The following PEAK1 variants were observed in gnomAD, a reference collection of about 807,000 sequenced individuals.
PEAK1 encodes inactive tyrosine-protein kinase PEAK1.
Under a neutral mutation model 124.7 loss-of-function variants are expected in PEAK1, and 54 were observed. The ratio of observed to expected loss-of-function variants is 0.43; its 90% CI spans 0.35 to 0.54. The LOEUF (loss-of-function observed/expected upper bound fraction) is 0.54. Ranked by LOEUF, PEAK1 falls within the 20% of genes least tolerant of loss-of-function variation. The pLI is 0.01. For missense variants in PEAK1, 2,046 were observed against 2,134.5 expected, an observed-to-expected ratio of 0.96 and a Z score of 0.82; for synonymous variants, 719 against 760.0, an observed-to-expected ratio of 0.95 and a Z score of 0.89.
intron 2 of PEAK1, among the ~76,000 whole-genome samples, chr15:77,343,808 C>G (rs73461019): frequency 0.012 from 1,860 of 152,056 alleles, 42 homozygotes; most frequent in African/African-American, 0.043. Context: ...CTTTTGTTAC[C>G]TGTGCATTTG....
intron 5 of PEAK1, among the ~76,000 whole-genome samples, chr15:77,268,314 A>G (rs1597019055): frequency 6.6e-6 from 1 of 152,154 alleles, no homozygotes; most frequent in African/African-American, 2.4e-5. Context: ...ATCTCTCCTA[A>G]AATACACAAA....
chr15:77,274,631 TAAAA>T (rs1269416038), intron 5 of PEAK1, among the ~76,000 whole-genome samples: 1 of 151,090 alleles, frequency 6.6e-6, no homozygotes, highest in Non-Finnish European at 1.5e-5. Flanking sequence ...AAACCAAAAA[TAAAA>T]AAACTCATAA....
intron 6 of PEAK1, among the ~76,000 whole-genome samples, chr15:77,247,569 T>A (rs2060655342): frequency 7.4e-6 from 1 of 135,818 alleles, no homozygotes; most frequent in African/African-American, 2.7e-5. Context: ...ACCTCCTGGG[T>A]TCGAGAGATT....
chr15:77,265,286 A>G (rs56070388), intron 5 of PEAK1, among the ~76,000 whole-genome samples: 33,587 of 152,138 alleles, frequency 0.22, 4,198 homozygotes, highest in Middle Eastern at 0.29. Flanking sequence ...GCTTCTGCAC[A>G]GCAAAAGAAA....
intron 6 of PEAK1, among the ~76,000 whole-genome samples, chr15:77,249,593 T>C (rs2060749055): frequency 6.6e-6 from 1 of 152,226 alleles, no homozygotes; most frequent in Admixed American, 6.5e-5. Context: ...TAAATGTAGA[T>C]GGTCTGCTAT....
chr15:77,253,244 T>TGGGGG (rs377748179), intron 5 of PEAK1, among the ~76,000 whole-genome samples: 9 of 126,936 alleles, frequency 7.1e-5, no homozygotes, highest in African/African-American at 1.9e-4. Flanking sequence ...TTGGTATGCG[T>TGGGGG]TGGGGGGGGG....
chr15:77,360,896 C>T (rs1280650123), intron 2 of PEAK1, among the ~76,000 whole-genome samples: 1 of 151,974 alleles, frequency 6.6e-6, no homozygotes, highest in African/African-American at 2.4e-5. Context: ...ACAAAGGGAT[C>T]AAAGACCTGA....
intron 6 of PEAK1, among the ~76,000 whole-genome samples, chr15:77,227,934 T>G (rs1285971483): frequency 6.6e-6 from 1 of 152,096 alleles, no homozygotes; most frequent in Non-Finnish European, 1.5e-5. Context: ...GGTTCAAGGT[T>G]GCAGTGAGGT....
chr15:77,211,630 T>C (rs2058910071), intron 6 of PEAK1, among the ~76,000 whole-genome samples: 3 of 151,942 alleles, frequency 2.0e-5, no homozygotes, highest in South Asian at 2.1e-4. Context: ...GGGTCGATCA[T>C]CTGAGGTCAG....
rs143481465 is a variant in PEAK1 at position 77,350,789 on chromosome 15, G to A, written c.-603+14374C>T. ...AGATCAATTCTGTATAACCTATTTT[G>A]TTTTTTATTCAAATTATCTAAAATT... is the stretch of plus-strand genomic sequence containing the variant. On this transcript the variant is annotated intron_variant, in intron 2 of 9. Coordinates refer to ENST00000682557, the MANE Select transcript of PEAK1 (RefSeq NM_001385026.1). The A allele has an allele frequency of 1.1e-3, 1,032 of 980,468 alleles. 18 individuals carry two copies. The African/African-American group carries it at 0.017, about 16-fold the overall frequency. 60.7% of individuals were successfully genotyped at this position (980,468 alleles called of 1,614,324 possible).
chr15:77,215,165 TCCC>T, intron 6 of PEAK1, among the ~76,000 whole-genome samples: 1 of 152,128 alleles, frequency 6.6e-6, no homozygotes, highest in Non-Finnish European at 1.5e-5. Flanking sequence ...ATGTTAAGTG[TCCC>T]CCCATGTGCT....
At chr15:77,229,293 C>T (rs1269988831) in intron 6 of PEAK1, among the ~76,000 whole-genome samples, 1 of 152,160 alleles carries the variant, frequency 6.6e-6, no homozygotes, top group East Asian at 1.9e-4. Flanking sequence ...GCAGAGACAT[C>T]CTTACTCTAA....
intron 6 of PEAK1, among the ~76,000 whole-genome samples, chr15:77,222,832 G>A (rs1356754831): frequency 6.6e-6 from 1 of 151,974 alleles, no homozygotes; most frequent in Non-Finnish European, 1.5e-5. Flanking sequence ...GTTCAAAATG[G>A]CAAAATAAAG....
At chr15:77,262,697 G>A (rs1490471302) in intron 5 of PEAK1, among the ~76,000 whole-genome samples, 1 of 151,834 alleles carries the variant, frequency 6.6e-6, no homozygotes, top group Non-Finnish European at 1.5e-5. Context: ...AGACCAACGA[G>A]ACAGAAAGTT....
intron 6 of PEAK1, among the ~76,000 whole-genome samples, chr15:77,222,613 C>A (rs1252582212): frequency 6.6e-6 from 1 of 151,856 alleles, no homozygotes; most frequent in Non-Finnish European, 1.5e-5. Context: ...GTGGGAAAAT[C>A]TCTGTTAATC....
At chr15:77,234,115 C>A (rs1227511212) in intron 6 of PEAK1, among the ~76,000 whole-genome samples, 1 of 152,182 alleles carries the variant, frequency 6.6e-6, no homozygotes, top group Non-Finnish European at 1.5e-5. Flanking sequence ...ATTCTCCCAT[C>A]TCAGGCCCCT....
At chr15:77,309,844 CAAAACA>C (rs2064328949) in intron 2 of PEAK1, among the ~76,000 whole-genome samples, 2 of 151,976 alleles carry the variant, frequency 1.3e-5, no homozygotes, top group Non-Finnish European at 2.9e-5. Flanking sequence ...GTGAGTAATC[CAAAACA>C]TTCAAACAAT....
At chr15:77,266,207 C>G (rs890847682) in intron 5 of PEAK1, among the ~76,000 whole-genome samples, 2 of 151,928 alleles carry the variant, frequency 1.3e-5, no homozygotes, top group African/African-American at 4.8e-5. Flanking sequence ...ACATATGTAA[C>G]TAACCTGCAC....
intron 2 of PEAK1, chr15:77,335,836 A>C (rs1472082741): frequency 1.0e-6 from 1 of 985,218 alleles, no homozygotes; most frequent in African/African-American, 1.7e-5. Context: ...AATGGTTTCC[A>C]ATCTCCATTT....
Sources: allele counts gnomAD v4.1 joint callset (sites outside exome capture counted in the v4.1 genomes callset), GRCh38; gene constraint gnomAD v4.1.1; transcripts MANE v1.5; gene names NCBI Gene and HGNC (gene_info 2026-07-23, HGNC 2026-07-21).